CACNA2D1: variants seen among roughly 807,000 people sequenced by gnomAD.
The protein encoded by CACNA2D1 is calcium voltage-gated channel auxiliary subunit alpha2delta 1.
In CACNA2D1, 53 loss-of-function variants were observed where a neutral mutation model predicts 171.5. The observed-to-expected ratio is 0.31, with a 90% CI of 0.25 to 0.39. The LOEUF (loss-of-function observed/expected upper bound fraction) is 0.39. Ranked by LOEUF, CACNA2D1 falls within the 10% of genes least tolerant of loss-of-function variation. The pLI is 1.00. For synonymous variants in CACNA2D1, 442 were observed against 443.1 expected, an observed-to-expected ratio of 1.00 and a Z score of 0.03; for missense variants, 903 against 1,299.8, an observed-to-expected ratio of 0.69 and a Z score of 4.69.
In CACNA2D1 at chr7:82,296,725, T is replaced by C. The variant is rs577173709; in HGVS notation, c.294+38410A>G. On this transcript the variant is annotated intron_variant, in intron 3 of 38. Coordinates refer to ENST00000356860, the MANE Select transcript of CACNA2D1 (RefSeq NM_000722.4). ...ATGTGGACATTCTTTATGATTTCAT[T>C]TGTTATATAGTATTCTGATTAATTG... Among the ~76,000 whole-genome samples, 5 of 152,204 alleles carry C rather than the reference T, an allele frequency of 3.3e-5. No individual in the cohort carries two copies. In the East Asian group the frequency reaches 9.7e-4, roughly 29 times the overall value.
At chr7:82,427,677 G>A (rs1829312336) in intron 1 of CACNA2D1, among the ~76,000 whole-genome samples, 1 of 152,186 alleles carries the variant, frequency 6.6e-6, no homozygotes. Context: ...TACCCAGCTA[G>A]TTGTAGAGCT....
At chr7:82,113,375 A>G (rs1788670305) in intron 6 of CACNA2D1, among the ~76,000 whole-genome samples, 1 of 152,268 alleles carries the variant, frequency 6.6e-6, no homozygotes, top group Non-Finnish European at 1.5e-5. Flanking sequence ...CTTGTCTTGT[A>G]TAATTCTAAG....
At chr7:82,423,902 C>T (rs978208679) in intron 1 of CACNA2D1, among the ~76,000 whole-genome samples, 1 of 152,082 alleles carries the variant, frequency 6.6e-6, no homozygotes. Flanking sequence ...GGAGTGTTTA[C>T]ACACTTTTAA....
At chr7:82,018,893 G>A (rs1409954498) in intron 12 of CACNA2D1, among the ~76,000 whole-genome samples, 1 of 146,072 alleles carries the variant, frequency 6.8e-6, no homozygotes, top group Non-Finnish European at 1.5e-5. Context: ...GCTGAGGCAG[G>A]AGAATCGCTT....
intron 1 of CACNA2D1, among the ~76,000 whole-genome samples, chr7:82,400,049 C>G (rs1303698172): frequency 6.6e-6 from 1 of 151,294 alleles, no homozygotes; most frequent in South Asian, 2.1e-4. Flanking sequence ...CTGTTCTGTT[C>G]CATTGATCTA....
chr7:82,060,213 TATATA>T (rs1806632705), intron 10 of CACNA2D1, among the ~76,000 whole-genome samples: 1 of 37,564 alleles, frequency 2.7e-5, no homozygotes. Flanking sequence ...ATATATATAA[TATATA>T]TATAATATAT....
intron 21 of CACNA2D1, 69 bp from the exon 22 acceptor site, chr7:81,984,780 C>T (rs971240322): frequency 4.8e-6 from 4 of 825,724 alleles, no homozygotes; most frequent in Admixed American, 2.0e-5. Context: ...AAAAAAGACA[C>T]ATCAAGTTCA....
At chr7:81,975,805 T>C (rs1384408608) in intron 24 of CACNA2D1, among the ~76,000 whole-genome samples, 1 of 8,974 alleles carries the variant, frequency 1.1e-4, no homozygotes, top group Non-Finnish European at 2.3e-4. Flanking sequence ...GAATGAATCA[T>C]GTATACAACT....
chr7:82,004,422 T>C (rs1798918175), intron 18 of CACNA2D1, among the ~76,000 whole-genome samples: 1 of 151,294 alleles, frequency 6.6e-6, no homozygotes. Context: ...AAAATAGACA[T>C]TAGTTATAAA....
chr7:82,305,568 C>T (rs1813620394), intron 3 of CACNA2D1, among the ~76,000 whole-genome samples: 1 of 150,650 alleles, frequency 6.6e-6, no homozygotes, highest in Non-Finnish European at 1.5e-5. Flanking sequence ...AACAAGACTA[C>T]CTTTGCCCCT....
At chr7:82,163,655 T>A (rs759372138) in intron 4 of CACNA2D1, among the ~76,000 whole-genome samples, 2 of 152,018 alleles carry the variant, frequency 1.3e-5, no homozygotes, top group African/African-American at 4.8e-5. Flanking sequence ...AAAAACCTTT[T>A]GGGTTGGAAA....
intron 18 of CACNA2D1, among the ~76,000 whole-genome samples, chr7:81,998,162 A>G (rs527846193): frequency 1.3e-5 from 2 of 152,152 alleles, no homozygotes; most frequent in South Asian, 4.1e-4. Flanking sequence ...TAAGTAATGT[A>G]ACATGTCATA....
intron 1 of CACNA2D1, among the ~76,000 whole-genome samples, chr7:82,368,728 C>T (rs1335536447): frequency 5.9e-5 from 9 of 152,110 alleles, no homozygotes; most frequent in Non-Finnish European, 1.0e-4. Context: ...CATATTCCTC[C>T]TTTTTCAGAA....
intron 3 of CACNA2D1, among the ~76,000 whole-genome samples, chr7:82,177,031 G>C (rs1209716888): frequency 8.0e-6 from 1 of 124,948 alleles, no homozygotes; most frequent in East Asian, 2.6e-4. Flanking sequence ...TAAAAATAGT[G>C]TCATTAGCCA....
intron 1 of CACNA2D1, among the ~76,000 whole-genome samples, chr7:82,387,831 A>G (rs1393046826): frequency 6.6e-6 from 1 of 152,170 alleles, no homozygotes; most frequent in African/African-American, 2.4e-5. Flanking sequence ...TTGTAATCCC[A>G]GCACTTTGGG....
chr7:81,978,567 C>T (rs1018625749), intron 24 of CACNA2D1, among the ~76,000 whole-genome samples: 1 of 151,700 alleles, frequency 6.6e-6, no homozygotes, highest in African/African-American at 2.4e-5. Flanking sequence ...ACATCACACA[C>T]TGGGGCCTGT....
At chr7:82,109,550 A>G (rs1368965808) in intron 6 of CACNA2D1, among the ~76,000 whole-genome samples, 1 of 152,208 alleles carries the variant, frequency 6.6e-6, no homozygotes, top group East Asian at 1.9e-4. Context: ...ATTTAGAACA[A>G]TTGGTTGAAA....
At chr7:82,102,001 G>A (rs1812729912) in intron 6 of CACNA2D1, among the ~76,000 whole-genome samples, 1 of 152,026 alleles carries the variant, frequency 6.6e-6, no homozygotes, top group African/African-American at 2.4e-5. Context: ...TTGATCTGTG[G>A]ACATGGAAAG....
chr7:82,132,373 C>G (rs1468932222), intron 5 of CACNA2D1, among the ~76,000 whole-genome samples: 1 of 152,154 alleles, frequency 6.6e-6, no homozygotes, highest in African/African-American at 2.4e-5. Flanking sequence ...TAATGTAACT[C>G]TACATGTTAG....
Sources: gnomAD v4.1 joint callset for allele counts (sites outside exome capture counted in the v4.1 genomes callset) on GRCh38, gnomAD v4.1.1 for gene constraint, MANE v1.5 for transcripts, NCBI Gene and HGNC (gene_info 2026-07-23, HGNC 2026-07-21) for gene names.